KIF16B: variants seen among roughly 807,000 people sequenced by gnomAD.
KIF16B encodes kinesin-like protein KIF16B.
KIF16B carries 98 observed loss-of-function variants against 156.3 expected under a neutral mutation model. The observed-to-expected ratio is 0.63, with a 90% confidence interval of 0.53 to 0.74. KIF16B has a LOEUF of 0.74. KIF16B is among the 30% of genes least tolerant of loss of function. KIF16B has a pLI of 0.00. For synonymous variants in KIF16B, 564 were observed against 583.7 expected (o/e 0.97, Z 0.49); for missense variants, 1,421 against 1,606.5 (o/e 0.88, Z 1.97).
intron 25 of KIF16B, among the ~76,000 whole-genome samples, chr20:16,300,754 C>T (rs1407185944): frequency 6.6e-6 from 1 of 152,076 alleles, no homozygotes; most frequent in African/African-American, 2.4e-5. Flanking sequence ...CTTTACCCCC[C>T]AAATATGCAG....
chr20:16,528,281 G>A, intron 2 of KIF16B, 90 bp downstream of exon 2: 1 of 974,082 alleles, frequency 1.0e-6, no homozygotes, highest in Admixed American at 1.8e-5. Flanking sequence ...TGTGGAAACA[G>A]CAGACAGGCT....
intron 12 of KIF16B, among the ~76,000 whole-genome samples, chr20:16,453,999 C>T (rs2067150688): frequency 6.6e-6 from 1 of 152,134 alleles, no homozygotes; most frequent in Non-Finnish European, 1.5e-5. Context: ...ATTCTCATCC[C>T]TTACGACACT....
chr20:16,552,880 C>T (rs1276153554), intron 1 of KIF16B, among the ~76,000 whole-genome samples: 1 of 152,028 alleles, frequency 6.6e-6, no homozygotes, highest in Non-Finnish European at 1.5e-5. Flanking sequence ...ATTCTCCTGC[C>T]TCAGCCTCCT....
chr20:16,538,651 T>C (rs1452299754), intron 1 of KIF16B, among the ~76,000 whole-genome samples: 2 of 152,160 alleles, frequency 1.3e-5, no homozygotes, highest in African/African-American at 2.4e-5. Flanking sequence ...GGAAAAGAGA[T>C]AAATTATGTC....
At chr20:16,512,685 A>G in intron 5 of KIF16B, 141 bp downstream of exon 5, 1 of 576,184 alleles carries the variant, frequency 1.7e-6, no homozygotes, top group Non-Finnish European at 3.1e-6. Context: ...TTATCCCCAA[A>G]CCATAATCAC....
intron 7 of KIF16B, 118 bp downstream of exon 7, chr20:16,507,840 A>G: frequency 5.8e-6 from 6 of 1,036,494 alleles, no homozygotes; most frequent in Non-Finnish European, 7.2e-6. Flanking sequence ...AGAAAATGAC[A>G]GTCAGTCACC....
chr20:16,499,782 C>T (rs565641875), intron 10 of KIF16B, among the ~76,000 whole-genome samples: 1 of 152,338 alleles, frequency 6.6e-6, no homozygotes, highest in South Asian at 2.1e-4. Context: ...ACCAGCACCC[C>T]TTCTGGAACA....
chr20:16,347,980 G>A (rs1322171222), intron 23 of KIF16B, among the ~76,000 whole-genome samples: 1 of 152,174 alleles, frequency 6.6e-6, no homozygotes. Flanking sequence ...TTCTTGGACT[G>A]CAAATGTGAT....
chr20:16,426,359 C>T (rs2066352047), intron 15 of KIF16B, among the ~76,000 whole-genome samples: 2 of 152,132 alleles, frequency 1.3e-5, no homozygotes, highest in African/African-American at 4.8e-5. Flanking sequence ...GTTTTCAAAA[C>T]TGCCAAAGTC....
chr20:16,285,677 G>T (rs1345918409), intron 25 of KIF16B, among the ~76,000 whole-genome samples: 1 of 152,028 alleles, frequency 6.6e-6, no homozygotes, highest in African/African-American at 2.4e-5. Context: ...ATATTAACCA[G>T]ATGTGGTGGT....
In KIF16B at chr20:16,312,354, T is replaced by C; in HGVS notation, c.3776A>G (p.Glu1259Gly). The change falls in exon 25 of 26, where the codon GAG becomes GGG. Residue 1259 changes from glutamate (E) to glycine (G), a missense_variant. By Grantham distance (98) the Glu-to-Gly change is moderately conservative. Coordinates refer to ENST00000354981, the MANE Select transcript of KIF16B (RefSeq NM_024704.5). ...TGTTACCTCTAAGTGACTTCGTCTC[T>C]CAGCAATCACACGTTCATCCTTATT... is the stretch of plus-strand genomic sequence containing the variant. ...FGNKDERVIA[E>G]RRSHLEKYLR... The C allele has an allele frequency of 6.2e-7, 1 of 1,613,446 alleles. No homozygotes were observed. Among genetic ancestry groups the C allele is most frequent in the Non-Finnish European group, 8.5e-7 (1 of 1,179,634 alleles).
chr20:16,412,346 C>T (rs1247872721), intron 15 of KIF16B, among the ~76,000 whole-genome samples: 1 of 151,962 alleles, frequency 6.6e-6, no homozygotes, highest in East Asian at 1.9e-4. Flanking sequence ...TAAGGAAATG[C>T]AGATGTACTG....
At chr20:16,463,485 A>C (rs920805312) in intron 12 of KIF16B, among the ~76,000 whole-genome samples, 2 of 152,214 alleles carry the variant, frequency 1.3e-5, no homozygotes, top group Non-Finnish European at 2.9e-5. Context: ...ATGTTTTTTA[A>C]CAAAAAGCCT....
intron 22 of KIF16B, 139 bp downstream of exon 22, chr20:16,370,446 AT>A: frequency 1.7e-6 from 1 of 590,568 alleles, no homozygotes; most frequent in Non-Finnish European, 2.8e-6. Context: ...AGTCCATATA[AT>A]AGCTTGCCTT....
intron 6 of KIF16B, among the ~76,000 whole-genome samples, chr20:16,509,544 T>G (rs1358681405): frequency 1.3e-5 from 2 of 152,228 alleles, no homozygotes; most frequent in Non-Finnish European, 2.9e-5. Flanking sequence ...ATTCTTATTT[T>G]GTTTTTCTTT....
At chr20:16,434,063 T>TA (rs35480077) in intron 12 of KIF16B, among the ~76,000 whole-genome samples, 23 of 151,692 alleles carry the variant, frequency 1.5e-4, no homozygotes, top group South Asian at 4.2e-4. Flanking sequence ...TTATTTGGAT[T>TA]AAAAAAAAAC....
intron 11 of KIF16B, 78 bp downstream of exon 11, chr20:16,497,535 G>A (rs536579707): frequency 1.8e-5 from 21 of 1,140,768 alleles, no homozygotes; most frequent in South Asian, 5.2e-5. Flanking sequence ...CATCTCAAAC[G>A]GCAAGTCCTA....
chr20:16,356,361 C>T lies in KIF16B; in HGVS notation c.3590G>A (p.Gly1197Glu). 6.2e-7 allele frequency: 1 copy of T among 1,614,176 alleles called. No individual in the cohort carries two copies. Among genetic ancestry groups the T allele is most frequent in the Non-Finnish European group, 8.5e-7 (1 of 1,180,008 alleles). ...SIPRYVLCGQ[G>E]KDAHFEFEVK... The stretch of plus-strand genomic sequence containing the variant: ...CTCAAACTCGAAGTGTGCATCCTTT[C>T]CTTGCCCGCAGAGGACGTAGCGTGG... The change falls in exon 23 of 26, where the codon GGA becomes GAA. Residue 1197 changes from glycine (G) to glutamate (E), a missense_variant. Gly to Glu is a moderately conservative substitution (Grantham distance 98). Coordinates refer to ENST00000354981, the MANE Select transcript of KIF16B (RefSeq NM_024704.5).
Position 16,367,123 on chromosome 20 carries a change from G to C in KIF16B, c.3498+3463C>G, listed in dbSNP as rs934622837. On this transcript the variant is annotated intron_variant, in intron 22 of 25. Coordinates refer to ENST00000354981, the MANE Select transcript of KIF16B (RefSeq NM_024704.5). ...TATTAATGATCTCAAAAAACATGTA[G>C]TGCATCTTTAAAAGTCTCCTCCTTA... 2.0e-6 allele frequency: 3 copies of C among 1,536,950 alleles called. No individual in the cohort carries two copies. The African/African-American group carries it at 4.2e-5, about 21-fold the overall frequency.
Sources: allele counts gnomAD v4.1 joint callset (sites outside exome capture counted in the v4.1 genomes callset), GRCh38; gene constraint gnomAD v4.1.1; transcripts MANE v1.5; gene names NCBI Gene and HGNC (gene_info 2026-07-23, HGNC 2026-07-21).